ZDHHC2: variants seen among roughly 807,000 people sequenced by gnomAD.
ZDHHC2 encodes palmitoyltransferase ZDHHC2.
A neutral mutation model predicts 55.6 loss-of-function variants in ZDHHC2; 51 were observed. That is an observed-to-expected ratio of 0.92 (90% CI 0.73 to 1.16). The LOEUF is 1.16. ZDHHC2 is among the 50% of genes most tolerant of loss of function. The probability of loss-of-function intolerance (pLI) is 0.00; values close to 1 mark genes in which losing one functional copy is unlikely to be tolerated. For missense variants in ZDHHC2, 491 were observed against 442.4 expected, an observed-to-expected ratio of 1.11 and a Z score of -0.99; for synonymous variants, 199 against 152.9, an observed-to-expected ratio of 1.30 and a Z score of -2.22.
intron 6 of ZDHHC2, among the ~76,000 whole-genome samples, chr8:17,198,639 A>C (rs1014477214): frequency 4.6e-5 from 7 of 152,228 alleles, no homozygotes; most frequent in African/African-American, 1.7e-4. Context: ...AAAAGTTAAT[A>C]TCGCATGTTA....
At chr8:17,219,691 T>C (rs555684209) in intron 12 of ZDHHC2, among the ~76,000 whole-genome samples, 1 of 152,070 alleles carries the variant, frequency 6.6e-6, no homozygotes, top group South Asian at 2.1e-4. Flanking sequence ...AGAGGATGAC[T>C]TGAGCCAGGG....
intron 9 of ZDHHC2, 28 bp from the exon 10 acceptor site, chr8:17,210,360 C>A: frequency 1.9e-6 from 3 of 1,596,812 alleles, no homozygotes; most frequent in Non-Finnish European, 2.6e-6. Flanking sequence ...TTGTATGGTT[C>A]AGTTCTAAAT....
At chr8:17,218,252 T>G (rs1296909874) in intron 12 of ZDHHC2, among the ~76,000 whole-genome samples, 5 of 152,196 alleles carry the variant, frequency 3.3e-5, no homozygotes, top group African/African-American at 7.2e-5. Flanking sequence ...AGCAAAGACA[T>G]TATTAAATTT....
intron 10 of ZDHHC2, among the ~76,000 whole-genome samples, chr8:17,213,674 A>G (rs1807496716): frequency 6.6e-6 from 1 of 152,144 alleles, no homozygotes; most frequent in Non-Finnish European, 1.5e-5. Context: ...GACTTTGTTT[A>G]TTAAAGTGAC....
At chr8:17,203,838 T>TC (rs1477636392) in intron 6 of ZDHHC2, among the ~76,000 whole-genome samples, 7 of 142,488 alleles carry the variant, frequency 4.9e-5, no homozygotes, top group Non-Finnish European at 1.1e-4. Context: ...AGAGGAAGTC[T>TC]CCCTTTGTTG....
chr8:17,204,407 T>G (rs2150937252), intron 6 of ZDHHC2, among the ~76,000 whole-genome samples: 1 of 152,364 alleles, frequency 6.6e-6, no homozygotes, highest in African/African-American at 2.4e-5. Flanking sequence ...AAAGGAAACC[T>G]GTATGTTCTA....
intron 1 of ZDHHC2, among the ~76,000 whole-genome samples, chr8:17,170,660 C>T (rs756601): frequency 0.28 from 42,543 of 151,962 alleles, 7,802 homozygotes; most frequent in Non-Finnish European, 0.42. Flanking sequence ...ATAAATCAAA[C>T]AGCTAATAAC....
rs997658525 is a variant in ZDHHC2 at position 17,222,582 on chromosome 8, A to G, written c.*2361A>G. 1 of 151,846 alleles carries G rather than the reference A, an allele frequency of 6.6e-6. No individual in the cohort carries two copies. The highest frequency in any genetic ancestry group is 1.5e-5 in the Non-Finnish European group (1 of 67,784). The allele number at this position is 151,846 out of a possible 1,614,324, so 9.4% of individuals were successfully genotyped here. A position where few individuals can be genotyped will look rare whatever the true frequency, so the allele number is the denominator to read the frequency against. Reference sequence around the variant, plus strand: ...ATTAAAAATAGTGTACCAATGCTTCATATACGTTAGTTATTTGCTATTATG... The same window carrying G: ...ATTAAAAATAGTGTACCAATGCTTCGTATACGTTAGTTATTTGCTATTATG... On this transcript the variant is annotated 3_prime_UTR_variant, in exon 13 of 13. Transcript: ENST00000262096.
At chr8:17,199,585 C>CTTCTTTCTTCTTCTTTA (rs1554466176) in intron 6 of ZDHHC2, among the ~76,000 whole-genome samples, 1 of 66,276 alleles carries the variant, frequency 1.5e-5, no homozygotes, top group East Asian at 3.0e-4. Flanking sequence ...TCTTCTTCTT[C>CTTCTTTCTTCTTCTTTA]TTCTTTCTTC....
At chr8:17,177,223 A>G (rs961374640) in intron 1 of ZDHHC2, among the ~76,000 whole-genome samples, 3 of 152,180 alleles carry the variant, frequency 2.0e-5, no homozygotes, top group African/African-American at 4.8e-5. Context: ...GGTGTTGGTG[A>G]CCTTGACACG....
At chr8:17,163,677 C>G (rs770209173) in intron 1 of ZDHHC2, among the ~76,000 whole-genome samples, 13 of 152,248 alleles carry the variant, frequency 8.5e-5, no homozygotes, top group Non-Finnish European at 1.9e-4. Flanking sequence ...CATGGGTCCC[C>G]TGAGATTCCA....
intron 12 of ZDHHC2, among the ~76,000 whole-genome samples, chr8:17,218,324 G>A (rs1029654056): frequency 6.6e-6 from 1 of 152,146 alleles, no homozygotes; most frequent in Non-Finnish European, 1.5e-5. Context: ...TAGCAAATAT[G>A]AGTCACTACC....
chr8:17,216,693 A>AT (rs1310414057), intron 11 of ZDHHC2, among the ~76,000 whole-genome samples: 2 of 152,186 alleles, frequency 1.3e-5, no homozygotes, highest in African/African-American at 4.8e-5. Context: ...TTCACATGCT[A>AT]TTATAATTCT....
intron 3 of ZDHHC2, among the ~76,000 whole-genome samples, chr8:17,192,073 T>G (rs1376778624): frequency 2.0e-5 from 3 of 152,172 alleles, no homozygotes; most frequent in African/African-American, 7.2e-5. Context: ...AGCTTTGACT[T>G]CCTGGGTTCG....
chr8:17,215,400 G>T, intron 11 of ZDHHC2, 51 bp downstream of exon 11: 1 of 1,442,638 alleles, frequency 6.9e-7, no homozygotes, highest in East Asian at 2.5e-5. Context: ...TTTTTAGAAG[G>T]TAAACGTGGT....
At chr8:17,164,053 C>T (rs1194842695) in intron 1 of ZDHHC2, among the ~76,000 whole-genome samples, 1 of 151,998 alleles carries the variant, frequency 6.6e-6, no homozygotes, top group East Asian at 1.9e-4. Flanking sequence ...GAGGAGGAGG[C>T]GCTGGGTAGG....
intron 1 of ZDHHC2, among the ~76,000 whole-genome samples, chr8:17,161,799 G>T (rs1432700464): frequency 5.3e-5 from 8 of 152,046 alleles, no homozygotes; most frequent in Admixed American, 5.2e-4. Context: ...GGCAGAGGCT[G>T]CAGTGAGCCG....
chr8:17,181,768 C>T (rs1301189691), intron 1 of ZDHHC2, among the ~76,000 whole-genome samples: 6 of 152,066 alleles, frequency 3.9e-5, no homozygotes, highest in African/African-American at 1.4e-4. Flanking sequence ...TATAAATAAT[C>T]AAATTATATT....
chr8:17,183,603 A>G (rs988812612), intron 1 of ZDHHC2, among the ~76,000 whole-genome samples: 4 of 152,246 alleles, frequency 2.6e-5, no homozygotes, highest in Non-Finnish European at 4.4e-5. Flanking sequence ...AGAGATCTGG[A>G]AACCATATAT....
Sources: allele counts gnomAD v4.1 joint callset (sites outside exome capture counted in the v4.1 genomes callset), GRCh38; gene constraint gnomAD v4.1.1; transcripts MANE v1.5; gene names NCBI Gene and HGNC (gene_info 2026-07-23, HGNC 2026-07-21).